NACC2: variants seen among roughly 807,000 people sequenced by gnomAD.
NACC2 encodes the protein NACC family member 2.
A neutral mutation model predicts 25.1 loss-of-function variants in NACC2; 8 were observed. The ratio of observed to expected loss-of-function variants is 0.32; its 90% CI spans 0.19 to 0.57. NACC2 has a LOEUF of 0.57. Among genes scored for constraint, NACC2 ranks in the 20% least tolerant of loss-of-function variants. The pLI, the probability that NACC2 is intolerant of heterozygous loss-of-function variation, is 0.89. For missense variants in NACC2, 644 were observed against 650.2 expected (o/e 0.99, Z 0.10); for synonymous variants, 435 against 294.7 (o/e 1.48, Z -4.88).
intron 1 of NACC2, among the ~76,000 whole-genome samples, chr9:136,078,315 C>T (rs980130359): frequency 1.3e-5 from 2 of 152,160 alleles, no homozygotes; most frequent in African/African-American, 4.8e-5. Context: ...CTCAGTCCCT[C>T]GGAATGCAGA....
At position 136,087,972 on chromosome 9, in the gene NACC2, G is replaced by A. The variant is rs145281981; in HGVS notation, c.-60+7217C>T. Among the ~76,000 whole-genome samples, 1,270 of 152,290 alleles carry A rather than the reference G, an allele frequency of 8.3e-3. 8 individuals are homozygous for A. Among genetic ancestry groups the A allele is most frequent in the Non-Finnish European group, 0.014 (936 of 68,008 alleles). ...CTGGGAAGTTCCGGGAGGTGACCTG[G>A]GGACTCTGCTGGGAAGTTCCGGGAG... On this transcript the variant is annotated intron_variant, in intron 1 of 5. Transcript: ENST00000277554.
chr9:136,039,453 T>C lies in NACC2; in HGVS notation c.886+10183A>G, dbSNP rs1413565116. 2.0e-5 allele frequency among the ~76,000 whole-genome samples: 3 copies of C among 151,910 alleles called. No individual in the cohort carries two copies. The East Asian group carries it at 5.8e-4, about 29-fold the overall frequency. Reference sequence around the variant, plus strand: ...ACAACATCAAGCTTATATCAACTCTTCGAAAAAACAAAGGAGAAGGGAACA... The same window carrying C: ...ACAACATCAAGCTTATATCAACTCTCCGAAAAAACAAAGGAGAAGGGAACA... On this transcript the variant is annotated intron_variant, in intron 2 of 5. Transcript: ENST00000277554.
At chr9:136,049,211 A>T (rs1213183746) in intron 2 of NACC2, among the ~76,000 whole-genome samples, 1 of 152,140 alleles carries the variant, frequency 6.6e-6, no homozygotes, top group Non-Finnish European at 1.5e-5. Flanking sequence ...CGGGGCCTGG[A>T]GAGGTGGTGG....
intron 1 of NACC2, among the ~76,000 whole-genome samples, chr9:136,063,638 C>A (rs1841042134): frequency 6.6e-6 from 1 of 152,118 alleles, no homozygotes; most frequent in African/African-American, 2.4e-5. Flanking sequence ...AATCCCAGCA[C>A]TTGGGAGGCC....
At chr9:136,040,371 A>T (rs1267395130) in intron 2 of NACC2, among the ~76,000 whole-genome samples, 11 of 152,166 alleles carry the variant, frequency 7.2e-5, no homozygotes, top group African/African-American at 2.6e-4. Flanking sequence ...CTTTATTCCT[A>T]TGTACTGAAA....
intron 1 of NACC2, among the ~76,000 whole-genome samples, chr9:136,069,096 C>A (rs1376421983): frequency 6.6e-6 from 1 of 151,182 alleles, no homozygotes; most frequent in Non-Finnish European, 1.5e-5. Context: ...TTAGTAGAGA[C>A]GGGGTTTCAC....
At chr9:136,057,618 T>C (rs1046866448) in intron 1 of NACC2, among the ~76,000 whole-genome samples, 3 of 151,950 alleles carry the variant, frequency 2.0e-5, no homozygotes, top group Admixed American at 1.3e-4. Flanking sequence ...TTTAATAACT[T>C]AAAAAGCCAG....
intron 2 of NACC2, among the ~76,000 whole-genome samples, chr9:136,042,861 CACAGAG>C (rs1338931279): frequency 2.7e-5 from 4 of 147,860 alleles, no homozygotes; most frequent in Non-Finnish European, 4.5e-5. Flanking sequence ...CACACAGAGA[CACAGAG>C]ACAAACAGAC....
chr9:136,024,155 AGTGTGTGT>A (rs71507095), intron 2 of NACC2, among the ~76,000 whole-genome samples: 2,039 of 123,582 alleles, frequency 0.016, 110 homozygotes, highest in African/African-American at 0.063. Flanking sequence ...GTGGGGACAG[AGTGTGTGT>A]GTGTGTGTGT....
intron 1 of NACC2, among the ~76,000 whole-genome samples, chr9:136,089,888 G>A (rs1377209092): frequency 6.6e-6 from 1 of 151,484 alleles, no homozygotes; most frequent in African/African-American, 2.4e-5. Flanking sequence ...CAAGATTAAT[G>A]CCTAAAGGGT....
chr9:136,040,106 G>A (rs1840605809), intron 2 of NACC2, among the ~76,000 whole-genome samples: 1 of 152,154 alleles, frequency 6.6e-6, no homozygotes, highest in Non-Finnish European at 1.5e-5. Flanking sequence ...AGCACTTTGG[G>A]AGGCTGAGGC....
rs577674670 is a variant in NACC2, at chr9:136,026,884, C to T, written c.887-10455G>A. 4.6e-5 allele frequency among the ~76,000 whole-genome samples: 7 copies of T among 152,284 alleles called. No homozygotes were observed. The South Asian group carries it at 1.5e-3, about 32-fold the overall frequency. On this transcript the variant is annotated intron_variant, in intron 2 of 5. Transcript: ENST00000277554. ...CAATGGACAAGACGGTAGATTAACC[C>T]AGCAAAGTCAGTAACCACGTGAAAT...
chr9:136,015,539 G>A (rs979316650), intron 3 of NACC2, among the ~76,000 whole-genome samples: 1 of 152,218 alleles, frequency 6.6e-6, no homozygotes, highest in Non-Finnish European at 1.5e-5. Flanking sequence ...CCTGCTGGGA[G>A]GGAAGACCCC....
chr9:136,046,566 T>C (rs1272210821), intron 2 of NACC2, among the ~76,000 whole-genome samples: 2 of 152,152 alleles, frequency 1.3e-5, no homozygotes, highest in Non-Finnish European at 2.9e-5. Context: ...GTCCACCTGA[T>C]GGGGACCGAG....
chr9:136,059,554 C>T (rs999078698), intron 1 of NACC2, among the ~76,000 whole-genome samples: 3 of 152,230 alleles, frequency 2.0e-5, no homozygotes, highest in Non-Finnish European at 1.5e-5. Flanking sequence ...TTGCCGAAGT[C>T]GGCTAGACGT....
intron 3 of NACC2, among the ~76,000 whole-genome samples, chr9:136,014,414 C>T (rs1206378278): frequency 1.3e-5 from 2 of 152,298 alleles, no homozygotes; most frequent in East Asian, 3.9e-4. Context: ...CAGTGATCCT[C>T]CCACCTCAGC....
rs1408886698 is a variant in NACC2 at position 136,020,728 on chromosome 9, G to A, written c.887-4299C>T. Among the ~76,000 whole-genome samples the A allele has an allele frequency of 6.6e-6, 1 of 152,162 alleles. No individual in the cohort carries two copies. Among genetic ancestry groups the A allele is most frequent in the African/African-American group, 2.4e-5 (1 of 41,440 alleles). ...CTGTACAGCTACAGTCATGAAGCCT[G>A]CATGGTTCAGGGAAGTGGACAGACA... On this transcript the variant is annotated intron_variant, in intron 2 of 5. Transcript: ENST00000277554. The surrounding 1 kb of genome is among the most constrained non-coding windows in gnomAD (Gnocchi z 4.7).
In NACC2 at chr9:136,086,057, A is replaced by T. The variant is rs1830376089; in HGVS notation, c.-60+9132T>A. On this transcript the variant is annotated intron_variant, in intron 1 of 5. Coordinates refer to ENST00000277554, the MANE Select transcript of NACC2 (RefSeq NM_144653.5). This position sits in a 1 kb window ranked among gnomAD's most constrained non-coding sequence, Gnocchi z 5.6. Reference sequence around the variant, plus strand: ...TGGCAGAGCCCGGAGTCCGGGCGCCACGCAGGGCAGCTCCGACGGGCAGGA... The same window carrying T: ...TGGCAGAGCCCGGAGTCCGGGCGCCTCGCAGGGCAGCTCCGACGGGCAGGA... 6.6e-6 allele frequency among the ~76,000 whole-genome samples: 1 copy of T among 151,952 alleles called. No homozygotes were observed. The highest frequency in any genetic ancestry group is 2.4e-5 in the African/African-American group (1 of 41,348).
intron 5 of NACC2, among the ~76,000 whole-genome samples, chr9:136,012,505 A>G (rs997976123): frequency 3.9e-5 from 6 of 152,316 alleles, no homozygotes; most frequent in African/African-American, 1.4e-4. Context: ...CAACGGCATC[A>G]AACCCAGAGG....
Sources: allele counts gnomAD v4.1 joint callset (sites outside exome capture counted in the v4.1 genomes callset), GRCh38; gene constraint gnomAD v4.1.1; non-coding constraint Gnocchi (gnomAD v3.1); transcripts MANE v1.5; gene names NCBI Gene and HGNC (gene_info 2026-07-23, HGNC 2026-07-21).